The following SCAMP5 variants were observed in gnomAD, a reference collection of about 807,000 sequenced individuals.
SCAMP5 encodes secretory carrier-associated membrane protein 5.
In SCAMP5, 7 loss-of-function variants were observed where a neutral mutation model predicts 28.3. That is an observed-to-expected ratio of 0.25 (90% confidence interval 0.14 to 0.46). SCAMP5 has a LOEUF of 0.46. Ranked by LOEUF, SCAMP5 falls within the 20% of genes least tolerant of loss-of-function variation. SCAMP5 has a pLI of 0.99. For missense variants in SCAMP5, 192 were observed against 312.5 expected (o/e 0.61, Z 2.91); for synonymous variants, 117 against 116.4 (o/e 1.00, Z -0.03).
chr15:75,004,247 G>A (rs760913627), intron 1 of SCAMP5, among the ~76,000 whole-genome samples: 3 of 152,082 alleles, frequency 2.0e-5, no homozygotes, highest in Non-Finnish European at 2.9e-5. Flanking sequence ...ATTGCTCACT[G>A]AAGGCTCGAA....
chr15:75,002,921 A>G (rs1212313446), intron 1 of SCAMP5, among the ~76,000 whole-genome samples: 1 of 151,956 alleles, frequency 6.6e-6, no homozygotes, highest in Admixed American at 6.6e-5. Flanking sequence ...ACAGTTACAA[A>G]TTGGCATTTT....
At position 75,018,468 on chromosome 15, in the gene SCAMP5, T is replaced by C. The variant is rs76786832; in HGVS notation, c.446T>C (p.Val149Ala). 1 of 1,613,568 alleles carries C rather than the reference T, an allele frequency of 6.2e-7. No individual in the cohort carries two copies. Among genetic ancestry groups the C allele is most frequent in the African/African-American group, 1.3e-5 (1 of 74,864 alleles). The part of the protein sequence containing the change: ...SFFGTNIGSA[V>A]VMLIPTVMFT... The stretch of plus-strand genomic sequence containing the variant: ...TTCGGAACGAACATTGGCTCGGCGG[T>C]GGTGATGCTAATTCCCACTGTCATG... Residue 149 changes from valine (V) to alanine (A), a missense_variant, in exon 6 of 7, where the codon GTG becomes GCG. By Grantham distance (64) the Val-to-Ala change is moderately conservative. Coordinates refer to ENST00000425597, the MANE Select transcript of SCAMP5 (RefSeq NM_138967.4). The surrounding 1 kb of genome is among the most constrained non-coding windows in gnomAD (Gnocchi z 5.6).
chr15:75,008,765 G>T (rs1012962166), intron 1 of SCAMP5, among the ~76,000 whole-genome samples: 2 of 152,140 alleles, frequency 1.3e-5, no homozygotes, highest in African/African-American at 4.8e-5. Context: ...GCCTCTGAAA[G>T]TGCTGGGATT....
chr15:75,015,464 C>T (rs999196383), intron 3 of SCAMP5, among the ~76,000 whole-genome samples: 1 of 150,882 alleles, frequency 6.6e-6, no homozygotes, highest in Non-Finnish European at 1.5e-5. Flanking sequence ...GGGGGGGGGC[C>T]TGGGTCCTGT....
intron 3 of SCAMP5, among the ~76,000 whole-genome samples, chr15:75,013,848 C>A (rs1368374310): frequency 6.6e-6 from 1 of 151,964 alleles, no homozygotes; most frequent in Non-Finnish European, 1.5e-5. Flanking sequence ...ATTAAATAAT[C>A]TAGAATTCTT....
intron 1 of SCAMP5, among the ~76,000 whole-genome samples, chr15:75,009,485 T>TGTGC: frequency 1.2e-5 from 1 of 81,440 alleles, no homozygotes; most frequent in Non-Finnish European, 3.0e-5. Context: ...GTGTGTGTGC[T>TGTGC]TTTTTTCCTT....
chr15:75,002,773 TA>T (rs1216206547), intron 1 of SCAMP5, among the ~76,000 whole-genome samples: 2 of 151,906 alleles, frequency 1.3e-5, no homozygotes, highest in Admixed American at 1.3e-4. Flanking sequence ...CTTGACTTTT[TA>T]TTTTTTTGAA....
rs546291725 is a variant in SCAMP5 at position 75,020,789 on chromosome 15, AACCCAAT to A, written c.*1810_*1816del. ...CTACTCTGGCCTGGCTTCAGCTTGG[AACCCAAT>A]ACCTAGGCTTACAGGCCATCCTGAG... On this transcript the variant is annotated 3_prime_UTR_variant, in exon 7 of 7. Transcript: ENST00000425597. The A allele has an allele frequency of 2.6e-5, 4 of 152,114 alleles. No homozygotes were observed. The highest frequency in any genetic ancestry group is 5.9e-5 in the Non-Finnish European group (4 of 68,022). The allele number at this position is 152,114 out of a possible 1,614,324, so 9.4% of individuals were successfully genotyped here.
chr15:75,019,079 C>G lies in SCAMP5; in HGVS notation c.*96C>G. The G allele has an allele frequency of 2.7e-6, 2 of 743,028 alleles. No homozygotes were observed. Among genetic ancestry groups the G allele is most frequent in the Non-Finnish European group, 4.3e-6 (2 of 466,166 alleles). The allele number at this position is 743,028 out of a possible 1,614,324, so 46.0% of individuals were successfully genotyped here. The stretch of plus-strand genomic sequence containing the variant: ...TGGTTACCAAGCAGGGTTCCCCCTT[C>G]CCTTTTCTCCTTCCCTACTTTGTAC... On this transcript the variant is annotated 3_prime_UTR_variant, in exon 7 of 7. Coordinates refer to ENST00000425597, the MANE Select transcript of SCAMP5 (RefSeq NM_138967.4).
intron 1 of SCAMP5, among the ~76,000 whole-genome samples, chr15:75,009,425 C>G (rs2065790026): frequency 6.8e-6 from 1 of 147,250 alleles, no homozygotes; most frequent in Admixed American, 6.8e-5. Flanking sequence ...AAGAATTTGA[C>G]TGGAATGCTA....
chr15:74,998,759 C>T (rs1041738609), intron 1 of SCAMP5, among the ~76,000 whole-genome samples: 2 of 151,980 alleles, frequency 1.3e-5, no homozygotes, highest in African/African-American at 4.8e-5. Context: ...TTACCACCCT[C>T]TCAAGCCCCA....
intron 3 of SCAMP5, among the ~76,000 whole-genome samples, chr15:75,013,541 A>T (rs1272532852): frequency 1.3e-5 from 2 of 152,128 alleles, no homozygotes; most frequent in Non-Finnish European, 2.9e-5. Context: ...CTCTACAGAA[A>T]ATAAAAAAAT....
chr15:74,997,284 G>GT (rs2065662265), intron 1 of SCAMP5: 1 of 152,034 alleles, frequency 6.6e-6, no homozygotes, highest in African/African-American at 2.4e-5. Flanking sequence ...CAGGAGTTTC[G>GT]GAAGGTTTCC....
At chr15:75,016,032 G>T (rs1266591377) in intron 3 of SCAMP5, among the ~76,000 whole-genome samples, 1 of 151,930 alleles carries the variant, frequency 6.6e-6, no homozygotes, top group Non-Finnish European at 1.5e-5. Flanking sequence ...GGCTAGAAGA[G>T]ATGTTTCCAC....
At chr15:75,014,460 G>A (rs1430181540) in intron 3 of SCAMP5, among the ~76,000 whole-genome samples, 2 of 152,172 alleles carry the variant, frequency 1.3e-5, no homozygotes, top group African/African-American at 4.8e-5. Flanking sequence ...CGGATAGTGA[G>A]GACACTCTCC....
chr15:75,000,595 A>G (rs1184420764), intron 1 of SCAMP5, among the ~76,000 whole-genome samples: 1 of 151,576 alleles, frequency 6.6e-6, no homozygotes, highest in Non-Finnish European at 1.5e-5. Context: ...CGTGTTAGCC[A>G]GGATGGTCTC....
chr15:74,997,029 G>T (rs932317287), intron 1 of SCAMP5, among the ~76,000 whole-genome samples: 2 of 152,086 alleles, frequency 1.3e-5, no homozygotes, highest in African/African-American at 4.8e-5. Flanking sequence ...CTCCAAGCAA[G>T]TTCCCCAAGT....
chr15:75,017,789 C>A (rs747090887), intron 4 of SCAMP5, 81 bp from the exon 5 acceptor site: 1 of 888,842 alleles, frequency 1.1e-6, no homozygotes, highest in East Asian at 2.4e-5. Flanking sequence ...TGCACTTAAA[C>A]TTGGAAGGGC....
chr15:74,996,906 G>A lies in SCAMP5; in HGVS notation c.-49+1233G>A, dbSNP rs1420760304. On this transcript the variant is annotated intron_variant, in intron 1 of 6. Transcript: ENST00000425597. This position sits in a 1 kb window ranked among gnomAD's most constrained non-coding sequence, Gnocchi z 4.1. ...CTCTGGTGAATGGGCCCCTGAAAGA[G>A]GGTCTTAGGTTTAGCAAACCCCTTG... 6.6e-6 allele frequency among the ~76,000 whole-genome samples: 1 copy of A among 152,158 alleles called. No individual in the cohort carries two copies. The highest frequency in any genetic ancestry group is 2.1e-4 in the South Asian group (1 of 4,828).
Sources: allele counts gnomAD v4.1 joint callset (sites outside exome capture counted in the v4.1 genomes callset), GRCh38; gene constraint gnomAD v4.1.1; non-coding constraint Gnocchi (gnomAD v3.1); transcripts MANE v1.5; gene names NCBI Gene and HGNC (gene_info 2026-07-23, HGNC 2026-07-21).